The following PTK2B variants were observed in gnomAD, a reference collection of about 807,000 sequenced individuals.
The protein encoded by PTK2B is protein tyrosine kinase 2 beta.
PTK2B carries 71 observed loss-of-function variants against 142.9 expected under a neutral mutation model. That is an observed-to-expected ratio of 0.50 (90% confidence interval 0.41 to 0.61). The LOEUF (loss-of-function observed/expected upper bound fraction) is 0.61. PTK2B is among the 20% of genes least tolerant of loss of function. The pLI is 0.00. For missense variants in PTK2B, 1,105 were observed against 1,320.4 expected (o/e 0.84, Z 2.53); for synonymous variants, 519 against 503.4 (o/e 1.03, Z -0.42).
At chr8:27,417,829 A>T (rs922519846) in intron 2 of PTK2B, among the ~76,000 whole-genome samples, 2 of 152,218 alleles carry the variant, frequency 1.3e-5, no homozygotes, top group Non-Finnish European at 2.9e-5. Flanking sequence ...CAGCTGGAGC[A>T]GGAGAGGACT....
At chr8:27,433,803 G>A (rs1220829214) in intron 11 of PTK2B, among the ~76,000 whole-genome samples, 1 of 152,212 alleles carries the variant, frequency 6.6e-6, no homozygotes, top group Non-Finnish European at 1.5e-5. Context: ...GCCCCAGCAA[G>A]CTCAAAGCCA....
intron 1 of PTK2B, among the ~76,000 whole-genome samples, chr8:27,351,828 G>A (rs546460089): frequency 9.2e-5 from 14 of 152,280 alleles, no homozygotes; most frequent in East Asian, 1.9e-4. Flanking sequence ...CCGTTGAAGG[G>A]CAATGTGAAA....
Position 27,434,570 on chromosome 8 carries a change from C to A in PTK2B, c.1192+11C>A, listed in dbSNP as rs113487869. On this transcript the variant is annotated intron_variant, in intron 13 of 30. Coordinates refer to ENST00000346049, the MANE Select transcript of PTK2B (RefSeq NM_173176.3). ...AGAGCTGCAGCATAGGTGAGCTGCC[C>A]GCTGCATCCTCCACCTGCTCCAGTT... 5 of 1,598,016 alleles carry A rather than the reference C, an allele frequency of 3.1e-6. No homozygotes were observed. The highest frequency in any genetic ancestry group is 4.6e-5 in the East Asian group (2 of 43,948).
chr8:27,445,018 C>G (rs1309390612), intron 23 of PTK2B, among the ~76,000 whole-genome samples: 3 of 152,028 alleles, frequency 2.0e-5, no homozygotes. Context: ...AAGAGAAAGC[C>G]TGATTCAGAA....
intron 1 of PTK2B, among the ~76,000 whole-genome samples, chr8:27,388,801 C>T (rs994485148): frequency 3.9e-5 from 6 of 152,238 alleles, no homozygotes; most frequent in Admixed American, 2.6e-4. Flanking sequence ...GGCACTTATT[C>T]TCGCTGCCCC....
At chr8:27,442,733 T>A in intron 21 of PTK2B, 142 bp from the exon 22 acceptor site, 2 of 647,170 alleles carry the variant, frequency 3.1e-6, no homozygotes, top group Non-Finnish European at 2.7e-6. Context: ...CCCAGGACAC[T>A]CTGCAGTGAA....
chr8:27,340,954 A>AC (rs1804360863), intron 1 of PTK2B, among the ~76,000 whole-genome samples: 1 of 152,350 alleles, frequency 6.6e-6, no homozygotes, highest in East Asian at 1.9e-4. Context: ...GCGGGTAAGA[A>AC]CCAGCCAGCT....
At chr8:27,355,219 C>T (rs927102577) in intron 1 of PTK2B, among the ~76,000 whole-genome samples, 41 of 152,180 alleles carry the variant, frequency 2.7e-4, no homozygotes, top group African/African-American at 8.7e-4. Context: ...TTGGATTATC[C>T]GGTTGGACCT....
At chr8:27,346,008 A>C (rs1195188265) in intron 1 of PTK2B, among the ~76,000 whole-genome samples, 1 of 152,130 alleles carries the variant, frequency 6.6e-6, no homozygotes, top group East Asian at 1.9e-4. Flanking sequence ...AAAAAGATTC[A>C]TGTCTCACCC....
At chr8:27,332,428 C>G (rs1047532858) in intron 1 of PTK2B, among the ~76,000 whole-genome samples, 5 of 152,130 alleles carry the variant, frequency 3.3e-5, no homozygotes, top group African/African-American at 1.2e-4. Flanking sequence ...GTTTGACTCT[C>G]GACTCTGTCA....
intron 7 of PTK2B, 65 bp from the exon 8 acceptor site, chr8:27,430,811 C>T: frequency 6.3e-7 from 1 of 1,577,798 alleles, no homozygotes; most frequent in African/African-American, 1.3e-5. Context: ...TCAGCGAGAC[C>T]CTAAGGGAAG....
At chr8:27,383,551 G>C (rs188133020) in intron 1 of PTK2B, among the ~76,000 whole-genome samples, 2 of 152,052 alleles carry the variant, frequency 1.3e-5, no homozygotes, top group Non-Finnish European at 2.9e-5. Context: ...GAGCCACCGC[G>C]CCTGGCCTCC....
chr8:27,329,395 T>C (rs1237489247), intron 1 of PTK2B, among the ~76,000 whole-genome samples: 1 of 152,118 alleles, frequency 6.6e-6, no homozygotes, highest in Non-Finnish European at 1.5e-5. Context: ...GTGACGACAG[T>C]AGCTCCATGT....
rs554277339 is a variant in PTK2B at position 27,441,164 on chromosome 8, G to A, written c.2039+723G>A. On this transcript the variant is annotated intron_variant, in intron 21 of 30. Coordinates refer to ENST00000346049, the MANE Select transcript of PTK2B (RefSeq NM_173176.3). ...TCTGCCAAAACTGCTAACTCTCTTA[G>A]CTCAAAAACAGCCACAGACAATACA... Among the ~76,000 whole-genome samples, 3 of 152,264 alleles carry A rather than the reference G, an allele frequency of 2.0e-5. No individual in the cohort carries two copies. The East Asian group carries it at 5.8e-4, about 29-fold the overall frequency.
chr8:27,361,996 G>A (rs1192285767), intron 1 of PTK2B, among the ~76,000 whole-genome samples: 3 of 152,204 alleles, frequency 2.0e-5, no homozygotes, highest in African/African-American at 4.8e-5. Context: ...TGCACCGATC[G>A]TGCCCTGTCT....
At chr8:27,413,558 G>A (rs1487116348) in intron 2 of PTK2B, among the ~76,000 whole-genome samples, 2 of 152,136 alleles carry the variant, frequency 1.3e-5, no homozygotes, top group South Asian at 2.1e-4. Flanking sequence ...ACTAGATCAG[G>A]CCACAGACTC....
At chr8:27,348,317 G>A (rs1001402340) in intron 1 of PTK2B, among the ~76,000 whole-genome samples, 18 of 152,250 alleles carry the variant, frequency 1.2e-4, no homozygotes, top group African/African-American at 4.1e-4. Flanking sequence ...GAGTACCGTG[G>A]TCTCTGCCCT....
chr8:27,438,481 G>A (rs1810940285), intron 18 of PTK2B, among the ~76,000 whole-genome samples: 1 of 4,510 alleles, frequency 2.2e-4, no homozygotes, highest in South Asian at 6.1e-3. Flanking sequence ...GGTGTGTGAA[G>A]CTCTCATGCG....
At chr8:27,320,878 C>G (rs1316996022), upstream of PTK2B, among the ~76,000 whole-genome samples, 2 of 149,942 alleles carry the variant, frequency 1.3e-5, no homozygotes, top group African/African-American at 4.9e-5. Flanking sequence ...GTTCAGCCTT[C>G]TCATCATACC....
Sources: gnomAD v4.1 joint callset for allele counts (sites outside exome capture counted in the v4.1 genomes callset) on GRCh38, gnomAD v4.1.1 for gene constraint, MANE v1.5 for transcripts, NCBI Gene and HGNC (gene_info 2026-07-23, HGNC 2026-07-21) for gene names.